The following NRG3 variants were observed in gnomAD, a reference collection of about 807,000 sequenced individuals.
NRG3 encodes the protein pro-neuregulin-3, membrane-bound isoform.
Under a neutral mutation model 66.9 loss-of-function variants are expected in NRG3, and 31 were observed. That is an observed-to-expected ratio of 0.46 (90% confidence interval 0.35 to 0.63). NRG3 has a LOEUF of 0.63. NRG3 is among the 20% of genes least tolerant of loss of function. NRG3 has a pLI of 0.00. For missense variants in NRG3, 910 were observed against 878.9 expected, an observed-to-expected ratio of 1.04 and a Z score of -0.45; for synonymous variants, 393 against 359.4, an observed-to-expected ratio of 1.09 and a Z score of -1.06.
intron 2 of NRG3, among the ~76,000 whole-genome samples, chr10:82,510,141 T>C (rs564645975): frequency 1.3e-3 from 191 of 152,230 alleles, no homozygotes; most frequent in Non-Finnish European, 1.2e-3. Flanking sequence ...CTCTAGAAGA[T>C]TAATCATTTG....
chr10:82,068,688 G>A (rs2064631061), intron 1 of NRG3, among the ~76,000 whole-genome samples: 1 of 152,168 alleles, frequency 6.6e-6, no homozygotes, highest in Non-Finnish European at 1.5e-5. Context: ...GACACCAGAG[G>A]GAGCGGGCAG....
chr10:81,954,829 CT>C (rs1224550460), intron 1 of NRG3, among the ~76,000 whole-genome samples: 19 of 152,220 alleles, frequency 1.2e-4, no homozygotes, highest in African/African-American at 4.6e-4. Flanking sequence ...ATCACCTTGC[CT>C]GTGTCACACC....
chr10:82,604,967 C>G (rs1276711836), intron 2 of NRG3, among the ~76,000 whole-genome samples: 1 of 152,010 alleles, frequency 6.6e-6, no homozygotes, highest in East Asian at 1.9e-4. Context: ...ACAAATAGTT[C>G]TTTACTGAAT....
chr10:82,585,111 G>T (rs1334447910), intron 2 of NRG3, among the ~76,000 whole-genome samples: 1 of 151,982 alleles, frequency 6.6e-6, no homozygotes, highest in Non-Finnish European at 1.5e-5. Flanking sequence ...GGAAGAATGT[G>T]CAGGTAATTG....
chr10:82,876,365 G>A (rs1012484528), intron 4 of NRG3, among the ~76,000 whole-genome samples: 1 of 152,152 alleles, frequency 6.6e-6, no homozygotes. Flanking sequence ...AGATAGATTT[G>A]GGGCAATGAA....
intron 1 of NRG3, among the ~76,000 whole-genome samples, chr10:81,929,990 T>G (rs2132973999): frequency 6.6e-6 from 1 of 152,326 alleles, no homozygotes; most frequent in Admixed American, 6.5e-5. Flanking sequence ...GGAAAGAGAC[T>G]TTCGCACTAT....
intron 1 of NRG3, among the ~76,000 whole-genome samples, chr10:82,282,801 A>C (rs931935529): frequency 6.6e-6 from 1 of 152,040 alleles, no homozygotes; most frequent in African/African-American, 2.4e-5. Context: ...ATGCTTTTCC[A>C]CTAGCACCTC....
intron 2 of NRG3, among the ~76,000 whole-genome samples, chr10:82,592,550 T>G (rs1306003351): frequency 6.6e-6 from 1 of 152,184 alleles, no homozygotes. Context: ...ATGTGCCAAA[T>G]GGAAGCCATG....
intron 1 of NRG3, among the ~76,000 whole-genome samples, chr10:82,102,021 G>A (rs1360120300): frequency 4.7e-4 from 54 of 115,090 alleles, no homozygotes; most frequent in Non-Finnish European, 7.7e-4. Flanking sequence ...ATATATATAC[G>A]CACACATATA....
intron 2 of NRG3, among the ~76,000 whole-genome samples, chr10:82,638,372 A>G (rs764670146): frequency 2.6e-5 from 4 of 152,192 alleles, no homozygotes; most frequent in Non-Finnish European, 5.9e-5. Flanking sequence ...TTTTGTTTTA[A>G]ATGTAAATAC....
chr10:82,957,682 C>T (rs1850191112), intron 5 of NRG3, among the ~76,000 whole-genome samples: 1 of 151,746 alleles, frequency 6.6e-6, no homozygotes, highest in Non-Finnish European at 1.5e-5. Flanking sequence ...TTCCTGTCCA[C>T]CCTTGGACTG....
intron 1 of NRG3, among the ~76,000 whole-genome samples, chr10:82,202,464 T>G (rs1354402550): frequency 1.3e-5 from 2 of 152,020 alleles, no homozygotes; most frequent in South Asian, 2.1e-4. Flanking sequence ...TAAGAGTCGT[T>G]GCCACTTTTG....
At chr10:82,527,306 T>C (rs951497638) in intron 2 of NRG3, among the ~76,000 whole-genome samples, 37 of 115,946 alleles carry the variant, frequency 3.2e-4, no homozygotes, top group African/African-American at 2.1e-3. Context: ...TCCATGTATG[T>C]AAAATTAAAA....
intron 3 of NRG3, among the ~76,000 whole-genome samples, chr10:82,796,457 T>G (rs1444337068): frequency 6.6e-6 from 1 of 152,034 alleles, no homozygotes; most frequent in Non-Finnish European, 1.5e-5. Flanking sequence ...CTGTGGACTC[T>G]CAAAACTAAT....
At chr10:82,594,378 T>C (rs1378886013) in intron 2 of NRG3, among the ~76,000 whole-genome samples, 1 of 152,162 alleles carries the variant, frequency 6.6e-6, no homozygotes, top group African/African-American at 2.4e-5. Flanking sequence ...TTTTTTGTGT[T>C]CTCTAATCCA....
intron 3 of NRG3, among the ~76,000 whole-genome samples, chr10:82,779,099 C>T (rs2060019392): frequency 1.3e-5 from 2 of 152,058 alleles, no homozygotes; most frequent in Admixed American, 6.6e-5. Context: ...GATTGTGATG[C>T]ACAGTAGCAG....
chr10:82,102,762 C>A (rs1243052836), intron 1 of NRG3, among the ~76,000 whole-genome samples: 2 of 151,856 alleles, frequency 1.3e-5, no homozygotes, highest in Non-Finnish European at 2.9e-5. Context: ...AATCGGGATG[C>A]CTTCCAACTG....
chr10:82,784,055 G>A (rs139193325), intron 3 of NRG3, among the ~76,000 whole-genome samples: 7,468 of 150,632 alleles, frequency 0.05, 618 homozygotes, highest in African/African-American at 0.17. Flanking sequence ...ATAATGCTGC[G>A]TATCTACAAC....
At chr10:81,949,391 C>T (rs992744283) in intron 1 of NRG3, among the ~76,000 whole-genome samples, 3 of 152,142 alleles carry the variant, frequency 2.0e-5, no homozygotes, top group Non-Finnish European at 4.4e-5. Context: ...TAATCCTTAG[C>T]GACCTGTCTA....
Sources: allele counts gnomAD v4.1 joint callset (sites outside exome capture counted in the v4.1 genomes callset), GRCh38; gene constraint gnomAD v4.1.1; transcripts MANE v1.5; gene names NCBI Gene and HGNC (gene_info 2026-07-23, HGNC 2026-07-21).